Variants in FGF12 observed in about 807,000 individuals in gnomAD.
FGF12 encodes the protein fibroblast growth factor 12B.
Under a neutral mutation model 23.6 loss-of-function variants are expected in FGF12, and 14 were observed. That is an observed-to-expected ratio of 0.59 (90% confidence interval 0.39 to 0.93). The LOEUF is 0.93. Among genes scored for constraint, FGF12 ranks in the 40% least tolerant of loss-of-function variants. The probability of loss-of-function intolerance (pLI) is 0.00; values close to 1 mark genes in which losing one functional copy is unlikely to be tolerated. For missense variants in FGF12, 175 were observed against 217.8 expected (o/e 0.80, Z 1.24); for synonymous variants, 62 against 77.3 (o/e 0.80, Z 1.04).
chr3:192,158,326 T>TTCTCTC (rs576929225), intron 5 of FGF12, among the ~76,000 whole-genome samples: 10 of 120,462 alleles, frequency 8.3e-5, no homozygotes, highest in South Asian at 6.0e-4. Flanking sequence ...CTTTCTTTCT[T>TTCTCTC]TCTTTCTCTT....
At chr3:192,328,398 C>A (rs1360793410) in intron 4 of FGF12, among the ~76,000 whole-genome samples, 1 of 152,200 alleles carries the variant, frequency 6.6e-6, no homozygotes, top group African/African-American at 2.4e-5. Context: ...CATCTCTTGA[C>A]ATAGAGGCTC....
At chr3:192,173,288 T>A (rs1241490210) in intron 4 of FGF12, among the ~76,000 whole-genome samples, 1 of 150,874 alleles carries the variant, frequency 6.6e-6, no homozygotes, top group African/African-American at 2.4e-5. Flanking sequence ...TGGCATTCAA[T>A]TGATATCTCA....
chr3:192,681,984 C>T, intron 2 of FGF12, among the ~76,000 whole-genome samples: 1 of 152,256 alleles, frequency 6.6e-6, no homozygotes, highest in Non-Finnish European at 1.5e-5. Flanking sequence ...TCTGCCCACC[C>T]TTTTTATAAA....
At chr3:192,296,704 A>G (rs1715061911) in intron 4 of FGF12, among the ~76,000 whole-genome samples, 1 of 152,200 alleles carries the variant, frequency 6.6e-6, no homozygotes, top group Non-Finnish European at 1.5e-5. Context: ...TTTAATGCAC[A>G]TAAGTAATCT....
intron 5 of FGF12, 40 bp downstream of exon 5, chr3:192,170,418 C>G (rs752967698): frequency 7.7e-6 from 12 of 1,560,228 alleles, no homozygotes; most frequent in African/African-American, 1.4e-5. Context: ...TGTCAACACA[C>G]AGATAAGGGT....
intron 2 of FGF12, among the ~76,000 whole-genome samples, chr3:192,493,935 G>C (rs1312967528): frequency 6.6e-6 from 1 of 151,980 alleles, no homozygotes; most frequent in Non-Finnish European, 1.5e-5. Context: ...ATTTTTTTCT[G>C]TTATTTAGAA....
chr3:192,487,444 T>C (rs1723670002), intron 2 of FGF12, among the ~76,000 whole-genome samples: 1 of 152,100 alleles, frequency 6.6e-6, no homozygotes, highest in Non-Finnish European at 1.5e-5. Flanking sequence ...TCATTGCTCA[T>C]CCAAGCCTAG....
At chr3:192,306,259 T>C (rs1715647335) in intron 4 of FGF12, among the ~76,000 whole-genome samples, 1 of 152,172 alleles carries the variant, frequency 6.6e-6, no homozygotes, top group African/African-American at 2.4e-5. Flanking sequence ...ACACAACAAG[T>C]TGGAAATTCT....
At chr3:192,283,507 T>G (rs1714271921) in intron 4 of FGF12, among the ~76,000 whole-genome samples, 1 of 152,138 alleles carries the variant, frequency 6.6e-6, no homozygotes, top group African/African-American at 2.4e-5. Context: ...TATAATTAAA[T>G]AGCTATAGGA....
intron 5 of FGF12, among the ~76,000 whole-genome samples, chr3:192,158,415 CTCTTTCTTT>C (rs1714628713): frequency 1.9e-4 from 1 of 5,140 alleles, no homozygotes; most frequent in African/African-American, 1.1e-3. Context: ...TTCTTTCTTT[CTCTTTCTTT>C]TTCTTTTTTC....
intron 2 of FGF12, among the ~76,000 whole-genome samples, chr3:192,373,791 C>T (rs9875354): frequency 0.21 from 32,270 of 151,948 alleles, 4,204 homozygotes; most frequent in African/African-American, 0.35. Context: ...AGAAATGAAC[C>T]AGTGTTTTCA....
At chr3:192,326,593 A>G (rs576443091) in intron 4 of FGF12, among the ~76,000 whole-genome samples, 6 of 152,206 alleles carry the variant, frequency 3.9e-5, no homozygotes, top group Non-Finnish European at 7.4e-5. Context: ...GAAATTCCCA[A>G]TGGTGCAGAG....
At chr3:192,208,262 T>A (rs1717752252) in intron 4 of FGF12, among the ~76,000 whole-genome samples, 1 of 152,248 alleles carries the variant, frequency 6.6e-6, no homozygotes, top group South Asian at 2.1e-4. Context: ...ATAAGAAGAA[T>A]GTCTGTTACG....
intron 2 of FGF12, among the ~76,000 whole-genome samples, chr3:192,382,178 C>T (rs935129728): frequency 1.3e-5 from 2 of 151,772 alleles, no homozygotes; most frequent in African/African-American, 4.8e-5. Context: ...TTGTATTTTT[C>T]GTAGAGAAGT....
At chr3:192,639,492 T>C (rs958838292) in intron 2 of FGF12, among the ~76,000 whole-genome samples, 3 of 152,200 alleles carry the variant, frequency 2.0e-5, no homozygotes, top group Non-Finnish European at 2.9e-5. Context: ...TGTAAACATA[T>C]CTGAACTCCA....
chr3:192,400,868 C>T (rs1042332712), intron 2 of FGF12, among the ~76,000 whole-genome samples: 11 of 152,148 alleles, frequency 7.2e-5, no homozygotes, highest in African/African-American at 2.4e-4. Context: ...CTACCTTTAC[C>T]CACTCTTTTT....
chr3:192,254,499 AAT>A (rs1712251972), intron 4 of FGF12, among the ~76,000 whole-genome samples: 1 of 152,054 alleles, frequency 6.6e-6, no homozygotes, highest in Non-Finnish European at 1.5e-5. Flanking sequence ...CATTCTCTGC[AAT>A]ATTGACACAC....
In FGF12 at chr3:192,146,996, A is replaced by C. The variant is rs547757565; in HGVS notation, c.428-2869T>G. Reference sequence around the variant, plus strand: ...GTTTTGAAAACCTAGTTCATGTCCCAGTTAGAAAACGACAAGTAAAAGGTA... The same window carrying C: ...GTTTTGAAAACCTAGTTCATGTCCCCGTTAGAAAACGACAAGTAAAAGGTA... On this transcript the variant is annotated intron_variant, in intron 5 of 5. Transcript: ENST00000445105. 2.6e-5 allele frequency among the ~76,000 whole-genome samples: 4 copies of C among 152,336 alleles called. No homozygotes were observed. The South Asian group carries it at 8.3e-4, about 32-fold the overall frequency.
chr3:192,152,459 A>C (rs1283963150), intron 5 of FGF12, among the ~76,000 whole-genome samples: 1 of 147,034 alleles, frequency 6.8e-6, no homozygotes, highest in African/African-American at 2.5e-5. Context: ...TTAGTGCTAT[A>C]AATTTCCCTC....
Sources: allele counts gnomAD v4.1 joint callset (sites outside exome capture counted in the v4.1 genomes callset), GRCh38; gene constraint gnomAD v4.1.1; transcripts MANE v1.5; gene names NCBI Gene and HGNC (gene_info 2026-07-23, HGNC 2026-07-21).